Variants in NUFIP2 observed in about 807,000 individuals in gnomAD.
NUFIP2 encodes the protein FMR1-interacting protein NUFIP2.
Under a neutral mutation model 56.9 loss-of-function variants are expected in NUFIP2, and 6 were observed. That is an observed-to-expected ratio of 0.11 (90% CI 0.06 to 0.21). NUFIP2 has a LOEUF of 0.21. Among genes scored for constraint, NUFIP2 ranks in the 10% least tolerant of loss-of-function variants. NUFIP2 has a pLI of 1.00. For synonymous variants in NUFIP2, 321 were observed against 298.2 expected (o/e 1.08, Z -0.79); for missense variants, 828 against 826.8 (o/e 1.00, Z -0.02).
At chr17:29,288,205 G>A (rs566785332) in intron 1 of NUFIP2, among the ~76,000 whole-genome samples, 21 of 152,308 alleles carry the variant, frequency 1.4e-4, no homozygotes, top group Admixed American at 5.9e-4. Context: ...CACCACGCTC[G>A]GCTAATTCTT....
Position 29,259,449 on chromosome 17 carries a change from G to A in NUFIP2, c.*5090C>T, listed in dbSNP as rs920119601. On this transcript the variant is annotated 3_prime_UTR_variant, in exon 4 of 4. Transcript: ENST00000225388. ...ATACAAATTAGCCAGGTGTGGTGGTGTGCGCCCGTAATCCCAGCTACATGG... is the reference window on the plus strand; with the variant it reads ...ATACAAATTAGCCAGGTGTGGTGGTATGCGCCCGTAATCCCAGCTACATGG... 3.9e-5 allele frequency: 6 copies of A among 151,956 alleles called. No individual in the cohort carries two copies. Among genetic ancestry groups the A allele is most frequent in the African/African-American group, 1.5e-4 (6 of 41,306 alleles). The allele number at this position is 151,956 out of a possible 1,614,324, so 9.4% of individuals were successfully genotyped here. A position where few individuals can be genotyped will look rare whatever the true frequency, so the allele number is the denominator to read the frequency against.
At chr17:29,292,885 GGGGGGGGCGGCCGCGGTGC>G (rs1405359402) in intron 1 of NUFIP2, among the ~76,000 whole-genome samples, 5 of 146,224 alleles carry the variant, frequency 3.4e-5, no homozygotes, top group Admixed American at 3.4e-4. Context: ...CGGCGACGGG[GGGGGGGGCGGCCGCGGTGC>G]GGGGGGCGCC....
rs1160657301 is a variant in NUFIP2 at position 29,264,480 on chromosome 17, TC to T, written c.*58del. Reference sequence around the variant, plus strand: ...GATCTAGGAGCATAAAAGCCTTGTGTCCCCCATGAACGATGGCTCTAATGCT... The same window carrying T: ...GATCTAGGAGCATAAAAGCCTTGTGTCCCCATGAACGATGGCTCTAATGCT... On this transcript the variant is annotated 3_prime_UTR_variant, in exon 4 of 4. Transcript: ENST00000225388. 2 of 1,145,994 alleles carry T rather than the reference TC, an allele frequency of 1.7e-6. No homozygotes were observed. Among genetic ancestry groups the T allele is most frequent in the Non-Finnish European group, 2.6e-6 (2 of 766,008 alleles). The allele number at this position is 1,145,994 out of a possible 1,614,324, so 71.0% of individuals were successfully genotyped here.
chr17:29,292,669 A>G (rs1275845162), intron 1 of NUFIP2, among the ~76,000 whole-genome samples: 1 of 138,970 alleles, frequency 7.2e-6, no homozygotes, highest in Non-Finnish European at 1.6e-5. Flanking sequence ...CTTCCCTCTC[A>G]GCTCCGCTTC....
intron 1 of NUFIP2, among the ~76,000 whole-genome samples, chr17:29,292,397 A>C (rs1453736427): frequency 6.6e-6 from 1 of 150,592 alleles, no homozygotes; most frequent in African/African-American, 2.5e-5. Context: ...GAATGGAACA[A>C]GGTTTTTGGA....
intron 1 of NUFIP2, among the ~76,000 whole-genome samples, chr17:29,293,557 G>A (rs2069231750): frequency 1.3e-5 from 2 of 152,160 alleles, no homozygotes; most frequent in Admixed American, 1.3e-4. Flanking sequence ...GGCCAGGAAG[G>A]TCACGCTGGC....
At chr17:29,290,408 C>G (rs1372989569) in intron 1 of NUFIP2, among the ~76,000 whole-genome samples, 1 of 151,708 alleles carries the variant, frequency 6.6e-6, no homozygotes. Context: ...GTAATCCCAG[C>G]ACTTTAGGAT....
Position 29,270,324 on chromosome 17 carries a change from G to GGA in NUFIP2, c.2003-2795_2003-2794insTC, listed in dbSNP as rs1283052873. Reference sequence around the variant, plus strand: ...AGAACTATAATCAATCTAACCTGGAGAAAAAAAAAAAAAAAAAGATGACGA... The same window carrying GGA: ...AGAACTATAATCAATCTAACCTGGAGGAAAAAAAAAAAAAAAAAAGATGACGA... On this transcript the variant is annotated intron_variant, in intron 2 of 3. Transcript: ENST00000225388. 1.5e-4 allele frequency among the ~76,000 whole-genome samples: 12 copies of GGA among 81,408 alleles called. No homozygotes were observed. The East Asian group carries it at 3.4e-3, about 23-fold the overall frequency. The allele number at this position is 81,408 out of a possible 152,430, so 53.4% of individuals were successfully genotyped here.
rs1215272196 is a variant in NUFIP2, at chr17:29,267,508, C to G, written c.2025G>C (p.Leu675Phe). The G allele has an allele frequency of 7.8e-6, 12 of 1,531,824 alleles. No homozygotes were observed. The highest frequency in any genetic ancestry group is 9.8e-6 in the Non-Finnish European group (11 of 1,117,372). The allele number at this position is 1,531,824 out of a possible 1,614,324, so 94.9% of individuals were successfully genotyped here. A position where few individuals can be genotyped will look rare whatever the true frequency, so the allele number is the denominator to read the frequency against. Residue 675 changes from leucine (L) to phenylalanine (F), a missense_variant, in exon 3 of 4, where the codon TTG (leucine) becomes TTC (phenylalanine). Transcript: ENST00000225388. Reference sequence around the variant, plus strand: ...TCTAATCATTCTTACCTTGCTTCTGCAAATTCCAAATAGATTCCATTTCTG... The same window carrying G: ...TCTAATCATTCTTACCTTGCTTCTGGAAATTCCAAATAGATTCCATTTCTG... Reference protein sequence around the residue: ...HTKEMESIWNLQKQDPKRIIT... With the variant: ...HTKEMESIWNFQKQDPKRIIT...
At chr17:29,288,254 C>T (rs2069190237) in intron 1 of NUFIP2, among the ~76,000 whole-genome samples, 3 of 152,226 alleles carry the variant, frequency 2.0e-5, no homozygotes, top group South Asian at 2.1e-4. Context: ...ACCATGTTAG[C>T]CAGGATGGTC....
At chr17:29,272,738 T>C (rs1238584163) in intron 2 of NUFIP2, among the ~76,000 whole-genome samples, 1 of 152,210 alleles carries the variant, frequency 6.6e-6, no homozygotes, top group Non-Finnish European at 1.5e-5. Context: ...AAAAGGAGCA[T>C]TTCCTTTTTG....
chr17:29,271,775 A>T (rs1328844799), intron 2 of NUFIP2, among the ~76,000 whole-genome samples: 1 of 151,816 alleles, frequency 6.6e-6, no homozygotes, highest in East Asian at 2.0e-4. Context: ...AACAAGACTA[A>T]CAAGAAATGA....
In NUFIP2 at chr17:29,260,016, T is replaced by G. The variant is rs1378362008; in HGVS notation, c.*4523A>C. ...GATACCAAAACAGAAGCCCACCCTT[T>G]TCACCATGAAAGAATCTTGGTGCTC... On this transcript the variant is annotated 3_prime_UTR_variant, in exon 4 of 4. Coordinates refer to ENST00000225388, the MANE Select transcript of NUFIP2 (RefSeq NM_020772.3). The G allele has an allele frequency of 6.6e-6, 1 of 152,214 alleles. No individual in the cohort carries two copies. Among genetic ancestry groups the G allele is most frequent in the Non-Finnish European group, 1.5e-5 (1 of 68,038 alleles). The allele number at this position is 152,214 out of a possible 1,614,324, so 9.4% of individuals were successfully genotyped here.
chr17:29,284,421 T>C (rs1481035077), intron 2 of NUFIP2, among the ~76,000 whole-genome samples: 5 of 152,162 alleles, frequency 3.3e-5, no homozygotes, highest in African/African-American at 4.8e-5. Context: ...GTGATTAACA[T>C]GAGGCCTGGC....
intron 3 of NUFIP2, among the ~76,000 whole-genome samples, chr17:29,266,791 G>C (rs2069039805): frequency 6.6e-6 from 1 of 151,602 alleles, no homozygotes; most frequent in Non-Finnish European, 1.5e-5. Flanking sequence ...TCATCTAGTA[G>C]GTAAATAATA....
At chr17:29,269,413 G>T (rs2069058290) in intron 2 of NUFIP2, among the ~76,000 whole-genome samples, 1 of 152,030 alleles carries the variant, frequency 6.6e-6, no homozygotes, top group South Asian at 2.1e-4. Flanking sequence ...TTTTCTGATT[G>T]TATGTGTATA....
chr17:29,281,167 G>C (rs1268887612), intron 2 of NUFIP2, among the ~76,000 whole-genome samples: 2 of 141,372 alleles, frequency 1.4e-5, no homozygotes, highest in Admixed American at 1.4e-4. Context: ...ACAAGAATTA[G>C]CTGGGCAGCC....
At chr17:29,282,469 AC>A (rs1226002074) in intron 2 of NUFIP2, among the ~76,000 whole-genome samples, 34 of 150,270 alleles carry the variant, frequency 2.3e-4, no homozygotes, top group African/African-American at 8.3e-4. Context: ...AATCGCTTGA[AC>A]CCAGGGGGCG....
At chr17:29,292,554 G>A (rs1598437381) in intron 1 of NUFIP2, among the ~76,000 whole-genome samples, 1 of 151,462 alleles carries the variant, frequency 6.6e-6, no homozygotes, top group Non-Finnish European at 1.5e-5. Flanking sequence ...TTCCCGCTGG[G>A]TACCCCACCC....
Sources: gnomAD v4.1 joint callset for allele counts (sites outside exome capture counted in the v4.1 genomes callset) on GRCh38, gnomAD v4.1.1 for gene constraint, MANE v1.5 for transcripts, NCBI Gene and HGNC (gene_info 2026-07-23, HGNC 2026-07-21) for gene names.